Variants in CDK17 observed in about 807,000 individuals in gnomAD.
The protein encoded by CDK17 is cyclin dependent kinase 17.
Under a neutral mutation model 77.6 loss-of-function variants are expected in CDK17, and 24 were observed. The observed-to-expected ratio is 0.31, with a 90% CI of 0.22 to 0.44. The LOEUF is 0.44. CDK17 is among the 20% of genes least tolerant of loss of function. The pLI, the probability that CDK17 is intolerant of heterozygous loss-of-function variation, is 1.00. For synonymous variants in CDK17, 203 were observed against 210.4 expected, an observed-to-expected ratio of 0.96 and a Z score of 0.30; for missense variants, 429 against 622.5, an observed-to-expected ratio of 0.69 and a Z score of 3.31.
At chr12:96,300,187 A>G (rs12230179) in intron 6 of CDK17, 117 bp downstream of exon 6, 68,028 of 707,898 alleles carry the variant, frequency 0.096, 4,000 homozygotes, top group South Asian at 0.16. Flanking sequence ...ACAAGTATAT[A>G]ATCTTGTAGA....
intron 1 of CDK17, among the ~76,000 whole-genome samples, chr12:96,384,204 A>G (rs1490933752): frequency 6.6e-6 from 1 of 152,194 alleles, no homozygotes. Flanking sequence ...ACAACAAAAT[A>G]CCATCTCACA....
At chr12:96,305,962 ACCTCCTGCCTCAG>A (rs1196607518) in intron 5 of CDK17, among the ~76,000 whole-genome samples, 1 of 151,878 alleles carries the variant, frequency 6.6e-6, no homozygotes, top group Non-Finnish European at 1.5e-5. Flanking sequence ...GCTCAAGCAA[ACCTCCTGCCTCAG>A]CCTCTCAAAG....
intron 1 of CDK17, among the ~76,000 whole-genome samples, chr12:96,339,955 T>A (rs952113609): frequency 1.3e-5 from 2 of 151,896 alleles, no homozygotes; most frequent in Non-Finnish European, 2.9e-5. Context: ...AATAAAATAA[T>A]GTTGAAAAAT....
At chr12:96,333,693 A>C (rs1953002535) in intron 2 of CDK17, among the ~76,000 whole-genome samples, 1 of 150,190 alleles carries the variant, frequency 6.7e-6, no homozygotes, top group Non-Finnish European at 1.5e-5. Flanking sequence ...AAAAAGGTAG[A>C]TGTTATCAAG....
intron 1 of CDK17, among the ~76,000 whole-genome samples, chr12:96,392,368 C>T (rs1426477320): frequency 6.6e-6 from 1 of 151,522 alleles, no homozygotes; most frequent in East Asian, 1.9e-4. Context: ...GAATGGACGG[C>T]AGTACGGAAA....
At chr12:96,377,558 T>C (rs1240346949) in intron 1 of CDK17, among the ~76,000 whole-genome samples, 1 of 152,190 alleles carries the variant, frequency 6.6e-6, no homozygotes, top group Non-Finnish European at 1.5e-5. Context: ...TTCTCATCTA[T>C]CAAATGCAAA....
At chr12:96,344,671 T>C (rs888813175) in intron 1 of CDK17, among the ~76,000 whole-genome samples, 1 of 152,194 alleles carries the variant, frequency 6.6e-6, no homozygotes, top group African/African-American at 2.4e-5. Flanking sequence ...GTAGACCTAC[T>C]CTACAAGAAA....
chr12:96,292,199 A>C (rs918482986), intron 10 of CDK17, among the ~76,000 whole-genome samples: 6 of 152,230 alleles, frequency 3.9e-5, no homozygotes, highest in African/African-American at 1.4e-4. Context: ...AAAGTATTAA[A>C]CGAGCAAAAG....
At chr12:96,282,472 A>G (rs1216045143) in intron 15 of CDK17, 37 bp downstream of exon 15, 7 of 1,388,966 alleles carry the variant, frequency 5.0e-6, no homozygotes, top group South Asian at 4.6e-5. Flanking sequence ...GGACAAATAA[A>G]AATAAAGCAG....
chr12:96,350,678 G>A (rs1036103320), intron 1 of CDK17, among the ~76,000 whole-genome samples: 7 of 152,094 alleles, frequency 4.6e-5, no homozygotes, highest in Non-Finnish European at 1.0e-4. Context: ...ATGCAAAAGA[G>A]TGAAACTGGA....
At position 96,400,101 on chromosome 12, in the gene CDK17, C is replaced by G; in HGVS notation, c.-145G>C. On this transcript the variant is annotated 5_prime_UTR_variant, in exon 1 of 17. Coordinates refer to ENST00000261211, the MANE Select transcript of CDK17 (RefSeq NM_002595.5). ...AGTCCGGGTCTCAGCGGCCGGCAGA[C>G]GTGAGGCGCTTCCGAGCGCAGGCCT... 2.5e-6 allele frequency: 1 copy of G among 392,180 alleles called. No individual in the cohort carries two copies. Among genetic ancestry groups the G allele is most frequent in the Non-Finnish European group, 4.5e-6 (1 of 221,826 alleles). 24.3% of individuals were successfully genotyped at this position (392,180 alleles called of 1,614,324 possible).
At chr12:96,281,455 G>A (rs1030098624) in intron 15 of CDK17, among the ~76,000 whole-genome samples, 6 of 152,164 alleles carry the variant, frequency 3.9e-5, no homozygotes, top group South Asian at 4.1e-4. Context: ...TGCAACCTCC[G>A]CCTCCCAGGT....
At chr12:96,386,898 T>C (rs1184818215) in intron 1 of CDK17, 1 of 228,926 alleles carries the variant, frequency 4.4e-6, no homozygotes, top group East Asian at 1.2e-4. Flanking sequence ...TTCTTCTGCA[T>C]TGGCCTCTTC....
At chr12:96,325,729 T>C (rs1032723813) in intron 2 of CDK17, among the ~76,000 whole-genome samples, 1 of 152,212 alleles carries the variant, frequency 6.6e-6, no homozygotes, top group East Asian at 1.9e-4. Context: ...TGGCAGTACC[T>C]AACTGATAAA....
chr12:96,289,427 T>C, intron 10 of CDK17, 140 bp from the exon 11 acceptor site: 2 of 861,454 alleles, frequency 2.3e-6, no homozygotes, highest in African/African-American at 1.7e-5. Flanking sequence ...CTATTAACTT[T>C]ATGAATTCGT....
At chr12:96,327,548 T>A (rs138729050) in intron 2 of CDK17, among the ~76,000 whole-genome samples, 50 of 151,522 alleles carry the variant, frequency 3.3e-4, no homozygotes, top group Admixed American at 1.1e-3. Context: ...ATTCAAATAT[T>A]TTTTTTTTCT....
Position 96,400,147 on chromosome 12 carries a change from CG to C in CDK17, c.-192del, listed in dbSNP as rs1224724116. 1 of 394,108 alleles carries C rather than the reference CG, an allele frequency of 2.5e-6. No homozygotes were observed. The highest frequency in any genetic ancestry group is 4.5e-6 in the Non-Finnish European group (1 of 223,090). 24.4% of individuals were successfully genotyped at this position (394,108 alleles called of 1,614,324 possible). A position where few individuals can be genotyped will look rare whatever the true frequency, so the allele number is the denominator to read the frequency against. Reference sequence around the variant, plus strand: ...GGCCTCCGCCGCCACAGCCGCCTTCCGGCTCTCGCCGCGGGTCCGGAGCCTC... The same window carrying C: ...GGCCTCCGCCGCCACAGCCGCCTTCCGCTCTCGCCGCGGGTCCGGAGCCTC... On this transcript the variant is annotated 5_prime_UTR_variant, in exon 1 of 17. Coordinates refer to ENST00000261211, the MANE Select transcript of CDK17 (RefSeq NM_002595.5).
intron 2 of CDK17, among the ~76,000 whole-genome samples, chr12:96,334,087 C>G (rs566058545): frequency 5.4e-4 from 83 of 152,310 alleles, no homozygotes; most frequent in Non-Finnish European, 7.9e-4. Context: ...TAAGGAAGAT[C>G]TGCCAGATAC....
At chr12:96,355,342 T>C (rs2137178776) in intron 1 of CDK17, among the ~76,000 whole-genome samples, 1 of 151,620 alleles carries the variant, frequency 6.6e-6, no homozygotes, top group East Asian at 1.9e-4. Context: ...AACACTCTAT[T>C]CCCCTTAACT....
Sources: gnomAD v4.1 joint callset for allele counts (sites outside exome capture counted in the v4.1 genomes callset) on GRCh38, gnomAD v4.1.1 for gene constraint, MANE v1.5 for transcripts, NCBI Gene and HGNC (gene_info 2026-07-23, HGNC 2026-07-21) for gene names.